PRKDC: variants seen among roughly 807,000 people sequenced by gnomAD.
PRKDC encodes protein kinase, DNA-activated, catalytic subunit.
A neutral mutation model predicts 486.9 loss-of-function variants in PRKDC; 82 were observed. That is an observed-to-expected ratio of 0.17 (90% confidence interval 0.14 to 0.20). The LOEUF is 0.20. PRKDC is among the 10% of genes least tolerant of loss of function. The pLI, the probability that PRKDC is intolerant of heterozygous loss-of-function variation, is 1.00. For synonymous variants in PRKDC, 1,895 were observed against 1,837.0 expected, an observed-to-expected ratio of 1.03 and a Z score of -0.81; for missense variants, 4,504 against 5,038.2, an observed-to-expected ratio of 0.89 and a Z score of 3.21.
At chr8:47,879,999 C>G (rs1332380356) in intron 38 of PRKDC, among the ~76,000 whole-genome samples, 1 of 152,092 alleles carries the variant, frequency 6.6e-6, no homozygotes, top group Non-Finnish European at 1.5e-5. Context: ...GCGCCTGCCA[C>G]TATGCCTGGC....
intron 27 of PRKDC, among the ~76,000 whole-genome samples, chr8:47,901,152 C>T (rs1355437351): frequency 4.1e-5 from 5 of 121,782 alleles, no homozygotes; most frequent in South Asian, 2.6e-4. Flanking sequence ...CTGTCTCAGA[C>T]GAAAAAAAGG....
At chr8:47,803,533 A>G (rs1343717787) in intron 69 of PRKDC, 53 bp from the exon 70 acceptor site, 4 of 1,573,328 alleles carry the variant, frequency 2.5e-6, no homozygotes, top group Admixed American at 1.7e-5. Context: ...CACAAGTGAC[A>G]GAAGTTTCTA....
intron 40 of PRKDC, among the ~76,000 whole-genome samples, chr8:47,872,633 T>A (rs2088980928): frequency 6.7e-6 from 1 of 149,472 alleles, no homozygotes; most frequent in Non-Finnish European, 1.5e-5. Context: ...AGAGCAGGAG[T>A]AGCTGTACTT....
chr8:47,778,896 G>C, intron 81 of PRKDC, 97 bp from the exon 82 acceptor site: 1 of 1,448,874 alleles, frequency 6.9e-7, no homozygotes, highest in Non-Finnish European at 9.4e-7. Context: ...CTCAAATATC[G>C]AATAATCTTG....
intron 40 of PRKDC, among the ~76,000 whole-genome samples, chr8:47,875,141 G>A (rs868084889): frequency 1.3e-5 from 2 of 152,346 alleles, no homozygotes; most frequent in African/African-American, 2.4e-5. Context: ...TGTTGGGGGT[G>A]TATTCACACA....
chr8:47,803,561 T>A, intron 69 of PRKDC, 81 bp from the exon 70 acceptor site: 1 of 1,292,368 alleles, frequency 7.7e-7, no homozygotes, highest in Non-Finnish European at 1.1e-6. Flanking sequence ...TGCTTCCCCC[T>A]TTGCACGACA....
At chr8:47,817,343 G>C (rs919220177) in intron 68 of PRKDC, 107 bp downstream of exon 68, 2 of 780,016 alleles carry the variant, frequency 2.6e-6, no homozygotes, top group Admixed American at 2.4e-5. Context: ...GAAAACAGCT[G>C]TGCTAGGCTC....
intron 20 of PRKDC, 52 bp downstream of exon 20, chr8:47,927,719 C>A (rs1005306113): frequency 6.9e-7 from 1 of 1,442,614 alleles, no homozygotes; most frequent in African/African-American, 1.4e-5. Context: ...TCTATGTGCT[C>A]TGGGACTCAC....
chr8:47,807,011 G>A (rs570880387), intron 69 of PRKDC, 126 bp downstream of exon 69: 4 of 991,226 alleles, frequency 4.0e-6, no homozygotes, highest in Non-Finnish European at 5.6e-6. Context: ...TACTTATAAA[G>A]AGAGAAAAAA....
In PRKDC at chr8:47,821,750, C is replaced by T; in HGVS notation, c.8965G>A (p.Ala2989Thr). The change falls in exon 65 of 86, where the codon GCC (alanine) becomes ACC (threonine). Residue 2989 changes from alanine to threonine, a missense_variant. Ala to Thr is a moderately conservative substitution (Grantham distance 58). Coordinates refer to ENST00000314191, the MANE Select transcript of PRKDC (RefSeq NM_006904.7). ...QDWVDGEPTE[A>T]EKDFWELASL... ...GCAAGTTCCCAAAAATCCTTCTCGGCTTCTGTGGGCTCACCATCTACCCAG... is the reference window on the plus strand; with the variant it reads ...GCAAGTTCCCAAAAATCCTTCTCGGTTTCTGTGGGCTCACCATCTACCCAG... The T allele has an allele frequency of 6.3e-7, 1 of 1,594,130 alleles. No individual in the cohort carries two copies. Among genetic ancestry groups the T allele is most frequent in the Non-Finnish European group, 8.5e-7 (1 of 1,171,414 alleles).
chr8:47,932,062 TTTTG>T (rs1389302942), intron 16 of PRKDC, among the ~76,000 whole-genome samples: 1 of 150,096 alleles, frequency 6.7e-6, no homozygotes, highest in East Asian at 2.0e-4. Flanking sequence ...GGCTCATTTT[TTTTG>T]TATTTTGTTT....
chr8:47,954,135 G>A (rs1268674692), intron 5 of PRKDC, among the ~76,000 whole-genome samples: 2 of 152,042 alleles, frequency 1.3e-5, no homozygotes, highest in Non-Finnish European at 2.9e-5. Flanking sequence ...TCTATTTACA[G>A]GAATAATTTT....
chr8:47,860,837 C>G (rs1360833966), intron 45 of PRKDC, 62 bp downstream of exon 45: 3 of 1,326,062 alleles, frequency 2.3e-6, no homozygotes. Context: ...TGTCTTAGAA[C>G]AAAACAAAAC....
chr8:47,855,280 G>C lies in PRKDC; in HGVS notation c.6703C>G (p.Leu2235Val). The part of the protein sequence containing the change: ...HPKRAVFRHN[L>V]EIIKTLVECW... ...TCGACAAGGGTCTTTATAATTTCAAGGTTGTGTCTAAACACAGCTCTTTTT... is the reference window on the plus strand; with the variant it reads ...TCGACAAGGGTCTTTATAATTTCAACGTTGTGTCTAAACACAGCTCTTTTT... The change falls in exon 50 of 86, where the codon CTT becomes GTT. Residue 2235 changes from leucine (L) to valine (V), a missense_variant. Coordinates refer to ENST00000314191, the MANE Select transcript of PRKDC (RefSeq NM_006904.7). 1.2e-6 allele frequency: 2 copies of C among 1,603,736 alleles called. No homozygotes were observed. The highest frequency in any genetic ancestry group is 1.7e-6 in the Non-Finnish European group (2 of 1,174,540).
chr8:47,780,611 C>A (rs558002581), intron 80 of PRKDC, among the ~76,000 whole-genome samples: 11 of 152,280 alleles, frequency 7.2e-5, no homozygotes, highest in African/African-American at 2.6e-4. Flanking sequence ...AAAATTCTCT[C>A]CTCCTAGTTT....
chr8:47,928,717 T>G (rs1305121590), intron 19 of PRKDC, among the ~76,000 whole-genome samples: 3 of 152,022 alleles, frequency 2.0e-5, no homozygotes, highest in Non-Finnish European at 4.4e-5. Context: ...AGAGTCTCGC[T>G]GTGTCACCCA....
intron 64 of PRKDC, among the ~76,000 whole-genome samples, chr8:47,822,375 G>A (rs1015096256): frequency 6.6e-6 from 1 of 151,942 alleles, no homozygotes; most frequent in Admixed American, 6.5e-5. Context: ...TACTAAGACT[G>A]AAGACTTTCA....
chr8:47,911,613 CTTT>C (rs1202462059), intron 25 of PRKDC, among the ~76,000 whole-genome samples: 2 of 152,016 alleles, frequency 1.3e-5, no homozygotes, highest in Non-Finnish European at 2.9e-5. Flanking sequence ...ATTTCATTTT[CTTT>C]TTTAAGTGTG....
intron 52 of PRKDC, 66 bp from the exon 53 acceptor site, chr8:47,849,569 G>T: frequency 1.3e-6 from 2 of 1,544,712 alleles, no homozygotes; most frequent in East Asian, 4.5e-5. Flanking sequence ...TGAAAGCAAA[G>T]TTTATCTTGA....
Sources: gnomAD v4.1 joint callset for allele counts (sites outside exome capture counted in the v4.1 genomes callset) on GRCh38, gnomAD v4.1.1 for gene constraint, MANE v1.5 for transcripts, NCBI Gene and HGNC (gene_info 2026-07-23, HGNC 2026-07-21) for gene names.